Variants in PGCKA1 observed in about 807,000 individuals in gnomAD.
PGCKA1 encodes PDCD10 and GCKIII kinases associated 1.
At chr4:37,540,568 T>C in the PGCKA1 span, among the ~76,000 whole-genome samples, 1 of 152,234 alleles carries the variant, frequency 6.6e-6, no homozygotes, top group Non-Finnish European at 1.5e-5. Context: ...CTTCACACAA[T>C]GAAAAGATAT....
the PGCKA1 span, chr4:37,587,950 C>G: frequency 6.6e-6 from 1 of 151,948 alleles, no homozygotes; most frequent in Non-Finnish European, 1.5e-5. Context: ...GCCTGGGCGA[C>G]AGAGTGAGAC....
At chr4:37,482,751 T>A in the PGCKA1 span, among the ~76,000 whole-genome samples, 9,457 of 152,110 alleles carry the variant, frequency 0.062, 368 homozygotes, top group Middle Eastern at 0.088. Flanking sequence ...GGAAAATTGT[T>A]TTCATGGGCT....
the PGCKA1 span, among the ~76,000 whole-genome samples, chr4:37,467,646 G>T: frequency 6.6e-6 from 1 of 152,196 alleles, no homozygotes; most frequent in African/African-American, 2.4e-5. Context: ...ACCAAGACTA[G>T]AACCAAGGGA....
At chr4:37,514,505 T>C in the PGCKA1 span, among the ~76,000 whole-genome samples, 1 of 152,182 alleles carries the variant, frequency 6.6e-6, no homozygotes, top group South Asian at 2.1e-4. Context: ...AATCCTCTCT[T>C]TCCATGATTT....
At chr4:37,581,820 G>A in the PGCKA1 span, among the ~76,000 whole-genome samples, 1 of 152,116 alleles carries the variant, frequency 6.6e-6, no homozygotes, top group African/African-American at 2.4e-5. The surrounding 1 kb of genome is among the most constrained non-coding windows in gnomAD (Gnocchi z 4.4). Flanking sequence ...TCTTGCCTAG[G>A]AACCACAGTT....
At chr4:37,492,046 C>CT in the PGCKA1 span, among the ~76,000 whole-genome samples, 91,760 of 147,422 alleles carry the variant, frequency 0.62, 28,838 homozygotes, top group South Asian at 0.76. This position sits in a 1 kb window ranked among gnomAD's most constrained non-coding sequence, Gnocchi z 4.7. Flanking sequence ...ATTATTTTTT[C>CT]TTTTTTTTTT....
chr4:37,455,066 A>G, the PGCKA1 span, among the ~76,000 whole-genome samples: 1 of 152,164 alleles, frequency 6.6e-6, no homozygotes, highest in Non-Finnish European at 1.5e-5. Context: ...GGTGGTTGCA[A>G]TCAAGCAAGC....
chr4:37,549,682 T>C, the PGCKA1 span, among the ~76,000 whole-genome samples: 2 of 152,268 alleles, frequency 1.3e-5, no homozygotes, highest in South Asian at 4.2e-4. Context: ...ACCTTACTCC[T>C]GGTATCAGAG....
the PGCKA1 span, among the ~76,000 whole-genome samples, chr4:37,546,715 G>A: frequency 2.1e-4 from 32 of 152,332 alleles, no homozygotes; most frequent in East Asian, 1.5e-3. Context: ...ACAGATGGCC[G>A]AGGCAGCCCC....
the PGCKA1 span, among the ~76,000 whole-genome samples, chr4:37,455,720 T>A: frequency 6.6e-6 from 1 of 152,160 alleles, no homozygotes; most frequent in African/African-American, 2.4e-5. Flanking sequence ...TCCCTTGACG[T>A]CCCACCCAGA....
the PGCKA1 span, among the ~76,000 whole-genome samples, chr4:37,566,291 TG>T: frequency 4.6e-5 from 7 of 152,086 alleles, no homozygotes; most frequent in Middle Eastern, 3.4e-3. Context: ...TATTTTTTTT[TG>T]CTTTTTGAGA....
chr4:37,588,720 A>T, the PGCKA1 span: 15 of 664,086 alleles, frequency 2.3e-5, no homozygotes, highest in Admixed American at 4.9e-5. Context: ...CGTGGTAGTT[A>T]TCCTTTTGCC....
the PGCKA1 span, among the ~76,000 whole-genome samples, chr4:37,553,894 G>A: frequency 6.6e-6 from 1 of 152,204 alleles, no homozygotes; most frequent in Non-Finnish European, 1.5e-5. Context: ...TTTATAGTCT[G>A]ATAGAGGGAA....
At chr4:37,498,671 G>A in the PGCKA1 span, among the ~76,000 whole-genome samples, 4 of 151,760 alleles carry the variant, frequency 2.6e-5, no homozygotes, top group African/African-American at 9.7e-5. Context: ...GCTATCGTTT[G>A]TTGATTTTGT....
the PGCKA1 span, among the ~76,000 whole-genome samples, chr4:37,552,675 G>A: frequency 3.9e-5 from 6 of 152,206 alleles, no homozygotes; most frequent in African/African-American, 9.6e-5. Flanking sequence ...GCCACCACAC[G>A]CCAGGCTTTT....
chr4:37,499,690 T>C, the PGCKA1 span, among the ~76,000 whole-genome samples: 7 of 152,224 alleles, frequency 4.6e-5, no homozygotes, highest in African/African-American at 1.7e-4. Flanking sequence ...TCTTCTCTCT[T>C]TTTTCATTTT....
chr4:37,535,177 C>T, the PGCKA1 span, among the ~76,000 whole-genome samples: 29 of 152,260 alleles, frequency 1.9e-4, no homozygotes, highest in South Asian at 5.4e-3. Context: ...GAAGGCTGTC[C>T]ATGGACACGG....
At chr4:37,561,758 G>C in the PGCKA1 span, among the ~76,000 whole-genome samples, 1 of 152,196 alleles carries the variant, frequency 6.6e-6, no homozygotes, top group Non-Finnish European at 1.5e-5. Flanking sequence ...TATGGGGTTA[G>C]GTTCCTAGAA....
the PGCKA1 span, among the ~76,000 whole-genome samples, chr4:37,551,296 A>G: frequency 6.6e-6 from 1 of 151,916 alleles, no homozygotes; most frequent in African/African-American, 2.4e-5. Flanking sequence ...ACAAAAAACG[A>G]AGCGTAGCCA....
Sources: gnomAD v4.1 joint callset for allele counts (sites outside exome capture counted in the v4.1 genomes callset) on GRCh38, gnomAD v4.1.1 for gene constraint, Gnocchi (gnomAD v3.1) non-coding constraint, MANE v1.5 for transcripts, NCBI Gene and HGNC (gene_info 2026-07-23, HGNC 2026-07-21) for gene names.